The following DSE variants were observed in gnomAD, a reference collection of about 807,000 sequenced individuals.
DSE encodes dermatan sulfate epimerase.
DSE carries 36 observed loss-of-function variants against 84.4 expected under a neutral mutation model. That is an observed-to-expected ratio of 0.43 (90% CI 0.33 to 0.56). The LOEUF (loss-of-function observed/expected upper bound fraction) is 0.56. Ranked by LOEUF, DSE falls within the 20% of genes least tolerant of loss-of-function variation. DSE has a pLI of 0.06. For synonymous variants in DSE, 410 were observed against 430.1 expected, an observed-to-expected ratio of 0.95 and a Z score of 0.58; for missense variants, 862 against 1,169.6, an observed-to-expected ratio of 0.74 and a Z score of 3.84.
At chr6:116,343,432 C>T (rs916850669) in intron 2 of DSE, among the ~76,000 whole-genome samples, 7 of 152,190 alleles carry the variant, frequency 4.6e-5, no homozygotes, top group African/African-American at 1.7e-4. Flanking sequence ...GCCAGGTCCC[C>T]CTCTGCGACA....
At chr6:116,257,671 T>C (rs1772203472) in intron 1 of DSE, among the ~76,000 whole-genome samples, 1 of 152,112 alleles carries the variant, frequency 6.6e-6, no homozygotes, top group African/African-American at 2.4e-5. Context: ...TTTTTGTGTT[T>C]TGTTTTGTTT....
chr6:116,254,283 C>T, exon 1 of DSE: 1 of 657,260 alleles, frequency 1.5e-6, no homozygotes, highest in South Asian at 1.5e-5. Context: ...GGATGTAGAC[C>T]AGACTCAAGC....
At chr6:116,279,313 G>A (rs1773336944) in intron 2 of DSE, 2 of 1,576,198 alleles carry the variant, frequency 1.3e-6, no homozygotes, top group Admixed American at 1.7e-5. Flanking sequence ...CACCACCTCA[G>A]CGCTCTCCCT....
At chr6:116,279,287 CCGCCAGGCCTTCCTT>C (rs1369564384) in intron 2 of DSE, 1 of 1,551,398 alleles carries the variant, frequency 6.4e-7, no homozygotes, top group South Asian at 1.1e-5. Flanking sequence ...ACCTCCTTCT[CCGCCAGGCCTTCCTT>C]CACCACCTCA....
chr6:116,386,558 G>A (rs1483821541), intron 1 of DSE, among the ~76,000 whole-genome samples: 3 of 152,196 alleles, frequency 2.0e-5, no homozygotes, highest in East Asian at 1.9e-4. Flanking sequence ...CATGCAAAGC[G>A]TTGCTAGCCA....
chr6:116,296,403 A>C (rs1370522513), intron 2 of DSE, among the ~76,000 whole-genome samples: 2 of 152,218 alleles, frequency 1.3e-5, no homozygotes, highest in African/African-American at 4.8e-5. Flanking sequence ...GTTGAACAAG[A>C]CATGCTAAAT....
intron 1 of DSE, among the ~76,000 whole-genome samples, chr6:116,396,813 A>G (rs1466774759): frequency 1.3e-5 from 2 of 152,236 alleles, no homozygotes; most frequent in East Asian, 3.8e-4. Flanking sequence ...AGTCCTGAAT[A>G]TACAGTGATT....
In DSE at chr6:116,437,365, C is replaced by T; in HGVS notation, c.*20C>T. On this transcript the variant is annotated 3_prime_UTR_variant, in exon 6 of 6. Transcript: ENST00000644252. ...TGTTAGCACTGAAGCTATAAATTAC[C>T]TGGTCATTTTGTGATCACAAGAGTC... 2 of 1,546,126 alleles carry T rather than the reference C, an allele frequency of 1.3e-6. No homozygotes were observed. The highest frequency in any genetic ancestry group is 1.7e-6 in the Non-Finnish European group (2 of 1,149,916).
At chr6:116,285,108 A>T (rs1281341888) in intron 2 of DSE, among the ~76,000 whole-genome samples, 8 of 152,164 alleles carry the variant, frequency 5.3e-5, no homozygotes, top group Non-Finnish European at 2.9e-5. Context: ...GACTTCCACA[A>T]TGGTTGAACT....
intron 2 of DSE, among the ~76,000 whole-genome samples, chr6:116,404,106 CTATACCT>C (rs1396660011): frequency 6.6e-6 from 1 of 152,120 alleles, no homozygotes; most frequent in Non-Finnish European, 1.5e-5. Flanking sequence ...GGCAGCCTCC[CTATACCT>C]TATGAATCTT....
At chr6:116,296,585 G>A (rs1171518180) in intron 2 of DSE, among the ~76,000 whole-genome samples, 1 of 152,200 alleles carries the variant, frequency 6.6e-6, no homozygotes, top group Non-Finnish European at 1.5e-5. Context: ...TGAGTGGTGA[G>A]AAGGTGTCAG....
chr6:116,371,278 G>A (rs1392505887), intron 1 of DSE, among the ~76,000 whole-genome samples, 157 bp downstream of exon 1: 1 of 152,206 alleles, frequency 6.6e-6, no homozygotes, highest in Non-Finnish European at 1.5e-5. Context: ...GCGCGCCCGG[G>A]CCCGGCTCGG....
chr6:116,436,154 T>C lies in DSE; in HGVS notation c.1686T>C (p.His562=). ...KNVQRNLILL[H]PQLLLLVDQI... ...TTCAGAGGAATCTCATCCTCCTACA[T>C]CCACAGCTGCTTCTCCTTGTAGACC... is the stretch of plus-strand genomic sequence containing the variant. Residue 562 remains histidine (H), a synonymous_variant, in exon 6 of 6, where the codon CAT becomes CAC. Transcript: ENST00000644252. The C allele has an allele frequency of 6.2e-7, 1 of 1,613,118 alleles. No homozygotes were observed. Among genetic ancestry groups the C allele is most frequent in the Non-Finnish European group, 8.5e-7 (1 of 1,179,978 alleles).
At chr6:116,366,116 C>T (rs1359543396), upstream of DSE, 3 of 152,204 alleles carry the variant, frequency 2.0e-5, no homozygotes, top group African/African-American at 4.8e-5. Flanking sequence ...TTGCTCCTTC[C>T]AGAAACTGTA....
In DSE at chr6:116,299,855, G is replaced by T. The variant is rs529494369; in HGVS notation, c.-54+40888G>T. The stretch of plus-strand genomic sequence containing the variant: ...AAACTGAGAAAGTAAAATCAATATG[G>T]TCCAAAAGAATGTTACCTAACACAT... On this transcript the variant is annotated intron_variant, in intron 2 of 3. Transcript: ENST00000430252. 2.7e-4 allele frequency among the ~76,000 whole-genome samples: 41 copies of T among 152,046 alleles called. No individual in the cohort carries two copies. In the South Asian group the frequency reaches 8.5e-3, roughly 32 times the overall value.
Position 116,436,015 on chromosome 6 carries a change from A to C in DSE, c.1547A>C (p.Asp516Ala). Reference sequence around the variant, plus strand: ...TCAAAATGGTCTAAATACAAGCATGACCTGGCAGCTAGTTGTCAGGGGAGG... The same window carrying C: ...TCAAAATGGTCTAAATACAAGCATGCCCTGGCAGCTAGTTGTCAGGGGAGG... Reference protein sequence around the residue: ...CSSKWSKYKHDLAASCQGRVV... With the variant: ...CSSKWSKYKHALAASCQGRVV... The change falls in exon 6 of 6, where the codon GAC becomes GCC. Residue 516 changes from aspartate (D) to alanine (A), a missense_variant. Physicochemically the swap from Asp to Ala is moderately radical, Grantham distance 126. This residue lies in a region of DSE where 186 missense variants were observed against 255.1 expected (regional missense o/e 0.73). Coordinates refer to ENST00000644252, the MANE Select transcript of DSE (RefSeq NM_013352.4). The C allele has an allele frequency of 6.2e-7, 1 of 1,614,126 alleles. No homozygotes were observed. The highest frequency in any genetic ancestry group is 2.2e-5 in the East Asian group (1 of 44,882).
chr6:116,383,593 C>T (rs1441880130), intron 1 of DSE, among the ~76,000 whole-genome samples: 1 of 152,140 alleles, frequency 6.6e-6, no homozygotes, highest in Non-Finnish European at 1.5e-5. Flanking sequence ...ATATTTCAGG[C>T]CCTCGGAGTT....
intron 2 of DSE, among the ~76,000 whole-genome samples, chr6:116,339,314 C>T (rs1208453848): frequency 2.1e-5 from 3 of 145,738 alleles, no homozygotes; most frequent in Admixed American, 6.8e-5. Context: ...TTCTTCCTTT[C>T]TTTTTTTTTT....
chr6:116,283,361 T>C lies in DSE; in HGVS notation c.-54+24394T>C, dbSNP rs147229889. Among the ~76,000 whole-genome samples, 721 of 152,346 alleles carry C rather than the reference T, an allele frequency of 4.7e-3. 5 individuals are homozygous for C. The highest frequency in any genetic ancestry group is 0.027 in the Middle Eastern group (8 of 294). ...TGCAACTCTTTTATGAGCTGCACCA[T>C]GCAGTTTAGCACTTAATTGTGCTTC... On this transcript the variant is annotated intron_variant, in intron 2 of 3. Coordinates refer to the DSE transcript ENST00000430252.
Sources: allele counts gnomAD v4.1 joint callset (sites outside exome capture counted in the v4.1 genomes callset), GRCh38; gene constraint gnomAD v4.1.1; regional missense constraint gnomAD v4.1.1; transcripts MANE v1.5; gene names NCBI Gene and HGNC (gene_info 2026-07-23, HGNC 2026-07-21).